The following ADGRL2 variants were observed in gnomAD, a reference collection of about 807,000 sequenced individuals.
ADGRL2 encodes calcium-independent alpha-latrotoxin receptor 2.
ADGRL2 carries 44 observed loss-of-function variants against 157.4 expected under a neutral mutation model. That is an observed-to-expected ratio of 0.28 (90% CI 0.22 to 0.36). The LOEUF is 0.36. ADGRL2 is among the 10% of genes least tolerant of loss of function. The pLI, the probability that ADGRL2 is intolerant of heterozygous loss-of-function variation, is 1.00. For synonymous variants in ADGRL2, 585 were observed against 624.7 expected (o/e 0.94, Z 0.95); for missense variants, 1,510 against 1,768.9 (o/e 0.85, Z 2.63).
In ADGRL2 at chr1:81,875,877, T is replaced by TAAC. The variant is rs558407773; in HGVS notation, c.74-31138_74-31136dup. ...CCACCCCGTCTCTCTAATGCACAGT[T>TAAC]AACAGTATGTCCTTCACTTGAACTT... is the stretch of plus-strand genomic sequence containing the variant. On this transcript the variant is annotated intron_variant, in intron 2 of 23. Coordinates refer to ENST00000686636, the MANE Select transcript of ADGRL2 (RefSeq NM_001366006.2). Among the ~76,000 whole-genome samples, 3 of 152,306 alleles carry TAAC rather than the reference T, an allele frequency of 2.0e-5. No homozygotes were observed. In the South Asian group the frequency reaches 6.2e-4, roughly 32 times the overall value.
intron 2 of ADGRL2, among the ~76,000 whole-genome samples, chr1:81,533,279 T>C: frequency 6.6e-6 from 1 of 152,092 alleles, no homozygotes; most frequent in East Asian, 1.9e-4. Context: ...CTCGGGAGGC[T>C]GAGGCAAGAG....
At chr1:81,711,160 A>G (rs111445876) in intron 1 of ADGRL2, among the ~76,000 whole-genome samples, 6 of 152,346 alleles carry the variant, frequency 3.9e-5, no homozygotes, top group African/African-American at 1.4e-4. Flanking sequence ...TCACAGTGAC[A>G]GATACAAATT....
chr1:81,661,923 A>T (rs1023095718), intron 3 of ADGRL2, among the ~76,000 whole-genome samples: 1 of 152,280 alleles, frequency 6.6e-6, no homozygotes, highest in East Asian at 1.9e-4. Context: ...TTGAATGCCT[A>T]CCAGGGAAGT....
chr1:81,430,048 C>T (rs1382296431), intron 1 of ADGRL2, among the ~76,000 whole-genome samples: 1 of 152,130 alleles, frequency 6.6e-6, no homozygotes, highest in Non-Finnish European at 1.5e-5. Flanking sequence ...CATGCACCGC[C>T]ACGCCTGGCT....
chr1:81,340,412 T>A (rs1661986095), intron 1 of ADGRL2, among the ~76,000 whole-genome samples: 1 of 152,104 alleles, frequency 6.6e-6, no homozygotes, highest in African/African-American at 2.4e-5. Context: ...CGAGTCCACA[T>A]CAGTGCTTCC....
intron 3 of ADGRL2, among the ~76,000 whole-genome samples, chr1:81,620,506 A>G (rs2081766697): frequency 2.6e-5 from 4 of 152,204 alleles, no homozygotes; most frequent in Admixed American, 2.6e-4. Flanking sequence ...AAAATTCAGG[A>G]ACACTCCACC....
At chr1:81,508,192 A>T (rs752956540) in intron 2 of ADGRL2, among the ~76,000 whole-genome samples, 1 of 152,230 alleles carries the variant, frequency 6.6e-6, no homozygotes, top group Non-Finnish European at 1.5e-5. Context: ...TATGTATTTT[A>T]TTCTTACCAG....
chr1:81,632,869 T>A (rs1352110689), intron 3 of ADGRL2, among the ~76,000 whole-genome samples: 1 of 152,044 alleles, frequency 6.6e-6, no homozygotes, highest in East Asian at 1.9e-4. Context: ...CATAGTAAGG[T>A]CTTTTATTCT....
upstream of ADGRL2, among the ~76,000 whole-genome samples, chr1:81,795,852 T>C (rs2087559264): frequency 6.6e-6 from 1 of 152,206 alleles, no homozygotes; most frequent in Non-Finnish European, 1.5e-5. Flanking sequence ...ATTCAAAGAG[T>C]TGTAATTTTA....
At chr1:81,475,018 G>A (rs989680009) in intron 2 of ADGRL2, among the ~76,000 whole-genome samples, 4 of 152,066 alleles carry the variant, frequency 2.6e-5, no homozygotes, top group East Asian at 3.9e-4. Flanking sequence ...GGAACCCAGG[G>A]CCTAAAAGCA....
intron 2 of ADGRL2, among the ~76,000 whole-genome samples, chr1:81,470,421 T>C (rs543783887): frequency 2.6e-5 from 4 of 152,282 alleles, no homozygotes; most frequent in Admixed American, 2.6e-4. Flanking sequence ...AACTGCTCCC[T>C]GTACCCAGCT....
At chr1:81,607,092 T>C (rs2081449715) in intron 3 of ADGRL2, among the ~76,000 whole-genome samples, 1 of 152,234 alleles carries the variant, frequency 6.6e-6, no homozygotes, top group Non-Finnish European at 1.5e-5. Context: ...AGCTTTTCTT[T>C]GAATCCTGGT....
intron 2 of ADGRL2, among the ~76,000 whole-genome samples, chr1:81,902,894 C>T (rs946723782): frequency 5.3e-5 from 8 of 152,174 alleles, no homozygotes; most frequent in African/African-American, 9.7e-5. Flanking sequence ...ATTATTTTGA[C>T]AGTACCTCAC....
intron 2 of ADGRL2, among the ~76,000 whole-genome samples, chr1:81,508,123 T>C (rs2079012033): frequency 6.6e-6 from 1 of 152,242 alleles, no homozygotes; most frequent in Admixed American, 6.5e-5. Flanking sequence ...AATATGAGCA[T>C]TTAAGGCACA....
intron 3 of ADGRL2, among the ~76,000 whole-genome samples, chr1:81,683,715 C>T (rs2083168313): frequency 6.6e-6 from 1 of 151,958 alleles, no homozygotes; most frequent in African/African-American, 2.4e-5. Flanking sequence ...GTTTCTTTAT[C>T]CATTCATTGA....
At chr1:81,482,381 G>A (rs1243061901) in intron 2 of ADGRL2, among the ~76,000 whole-genome samples, 1 of 151,598 alleles carries the variant, frequency 6.6e-6, no homozygotes, top group African/African-American at 2.4e-5. Flanking sequence ...AGTAATACGT[G>A]TTTATTATAG....
intron 2 of ADGRL2, among the ~76,000 whole-genome samples, chr1:81,531,190 A>G (rs1432817368): frequency 1.3e-5 from 2 of 152,186 alleles, no homozygotes; most frequent in Non-Finnish European, 2.9e-5. Flanking sequence ...TAAAGAAGAT[A>G]TTCTGATAAT....
chr1:81,493,317 A>C (rs1179360878), intron 2 of ADGRL2, among the ~76,000 whole-genome samples: 5 of 152,210 alleles, frequency 3.3e-5, no homozygotes, highest in Admixed American at 3.3e-4. Context: ...CTAAAAGCCA[A>C]ACTTGTAGGG....
chr1:81,949,113 C>T (rs567288161), intron 6 of ADGRL2, among the ~76,000 whole-genome samples: 1 of 152,198 alleles, frequency 6.6e-6, no homozygotes, highest in Non-Finnish European at 1.5e-5. Flanking sequence ...GAAAACATAG[C>T]TATTTTTCAT....
Sources: gnomAD v4.1 joint callset for allele counts (sites outside exome capture counted in the v4.1 genomes callset) on GRCh38, gnomAD v4.1.1 for gene constraint, MANE v1.5 for transcripts, NCBI Gene and HGNC (gene_info 2026-07-23, HGNC 2026-07-21) for gene names.